ZFHX3: variants seen among roughly 807,000 people sequenced by gnomAD.
ZFHX3 encodes zinc finger homeobox 3.
ZFHX3 carries 42 observed loss-of-function variants against 279.1 expected under a neutral mutation model. That is an observed-to-expected ratio of 0.15 (90% confidence interval 0.12 to 0.19). ZFHX3 has a LOEUF of 0.19. ZFHX3 is among the 10% of genes least tolerant of loss of function. ZFHX3 has a pLI of 1.00. For missense variants in ZFHX3, 4,981 were observed against 4,754.0 expected, an observed-to-expected ratio of 1.05 and a Z score of -1.40; for synonymous variants, 2,293 against 1,957.8, an observed-to-expected ratio of 1.17 and a Z score of -4.52.
chr16:73,863,664 C>T lies in ZFHX3; in HGVS notation c.-1608+27987G>A, dbSNP rs73603563. Among the ~76,000 whole-genome samples the T allele has an allele frequency of 5.3e-3, 810 of 152,252 alleles. 9 individuals carry two copies. Among genetic ancestry groups the T allele is most frequent in the African/African-American group, 0.019 (787 of 41,540 alleles). On this transcript the variant is annotated intron_variant, in intron 1 of 17. Coordinates refer to the ZFHX3 transcript ENST00000641206. ...AACATAGATCAGTTTCTATATCATACGATGGTCATGTGTGCATATACCTTA... is the reference window on the plus strand; with the variant it reads ...AACATAGATCAGTTTCTATATCATATGATGGTCATGTGTGCATATACCTTA...
chr16:72,794,447 T>C lies in ZFHX3; in HGVS notation c.8235A>G (p.Leu2745=), dbSNP rs2035827403. ...WHEAKRAGYN[L]TLSAMLLDCD... is the part of the protein sequence containing the mutation. ...AGTCTAAGAGCATCGCAGACAGAGT[T>C]AGGTTGTAGCCAGCTCTCTTGGCTT... Residue 2745 remains leucine (L), a synonymous_variant, in exon 9 of 10, where the codon CTA becomes CTG. Coordinates refer to ENST00000268489, the MANE Select transcript of ZFHX3 (RefSeq NM_006885.4). This position sits in a 1 kb window ranked among gnomAD's most constrained non-coding sequence, Gnocchi z 4.2. 13 of 1,613,908 alleles carry C rather than the reference T, an allele frequency of 8.1e-6. No homozygotes were observed. Among genetic ancestry groups the C allele is most frequent in the Non-Finnish European group, 1.1e-5 (13 of 1,179,992 alleles).
At chr16:73,872,236 G>A (rs2029863799) in intron 1 of ZFHX3, among the ~76,000 whole-genome samples, 1 of 151,632 alleles carries the variant, frequency 6.6e-6, no homozygotes, top group African/African-American at 2.4e-5. Context: ...TAAAAGAGAG[G>A]ACATCCCTGT....
intron 2 of ZFHX3, among the ~76,000 whole-genome samples, chr16:73,565,556 G>T (rs900439668): frequency 1.3e-5 from 2 of 152,148 alleles, no homozygotes; most frequent in Non-Finnish European, 2.9e-5. Flanking sequence ...GTTTACAAAT[G>T]TTTTCACACA....
intron 1 of ZFHX3, among the ~76,000 whole-genome samples, chr16:73,855,303 A>C (rs952211939): frequency 1.3e-5 from 2 of 151,546 alleles, no homozygotes; most frequent in African/African-American, 4.9e-5. Context: ...GAAGCTGACA[A>C]AATGTAATTT....
At chr16:73,638,981 A>G (rs1169542009) in intron 2 of ZFHX3, among the ~76,000 whole-genome samples, 1 of 152,216 alleles carries the variant, frequency 6.6e-6, no homozygotes, top group African/African-American at 2.4e-5. Context: ...CAAAAGAAAA[A>G]CAAAGGAAGA....
chr16:73,087,419 A>G (rs991186925), intron 8 of ZFHX3, among the ~76,000 whole-genome samples: 2 of 152,350 alleles, frequency 1.3e-5, no homozygotes, highest in South Asian at 2.1e-4. Context: ...CAGAGGCACA[A>G]GGGAACCTCA....
intron 3 of ZFHX3, among the ~76,000 whole-genome samples, chr16:73,454,986 C>A (rs915386470): frequency 2.0e-5 from 3 of 151,978 alleles, no homozygotes; most frequent in East Asian, 3.9e-4. Flanking sequence ...AGAATGAAGA[C>A]CTTTTATGCC....
At chr16:73,737,929 G>A (rs940396259) in intron 1 of ZFHX3, among the ~76,000 whole-genome samples, 2 of 152,162 alleles carry the variant, frequency 1.3e-5, no homozygotes, top group African/African-American at 4.8e-5. Context: ...AACCCAGGGG[G>A]TGTAGAGGTA....
intron 1 of ZFHX3, among the ~76,000 whole-genome samples, chr16:73,858,241 T>C (rs748900572): frequency 1.3e-5 from 2 of 152,134 alleles, no homozygotes; most frequent in Non-Finnish European, 2.9e-5. Context: ...ACAAATCTAG[T>C]AAACAGTGAT....
intron 2 of ZFHX3, among the ~76,000 whole-genome samples, chr16:73,661,383 A>G (rs558240777): frequency 2.5e-4 from 38 of 152,234 alleles, no homozygotes; most frequent in Non-Finnish European, 4.4e-4. Flanking sequence ...AAAGGAGTTC[A>G]ACAGTTGGAT....
intron 5 of ZFHX3, among the ~76,000 whole-genome samples, chr16:73,249,449 A>C (rs1015215943): frequency 6.6e-6 from 1 of 152,218 alleles, no homozygotes; most frequent in African/African-American, 2.4e-5. Flanking sequence ...GGTAAAAGGC[A>C]TGTCTTACAT....
chr16:73,596,697 T>C (rs967801310), intron 2 of ZFHX3, among the ~76,000 whole-genome samples: 1 of 152,204 alleles, frequency 6.6e-6, no homozygotes, highest in Non-Finnish European at 1.5e-5. Context: ...GCATCCATCA[T>C]AGCACGTTCA....
In ZFHX3 at chr16:73,385,424, C is replaced by T. The variant is rs148186231; in HGVS notation, c.-1290-67088G>A. Among the ~76,000 whole-genome samples, 122 of 152,296 alleles carry T rather than the reference C, an allele frequency of 8.0e-4. 1 individual carries two copies. The East Asian group carries it at 0.023, about 28-fold the overall frequency. The stretch of plus-strand genomic sequence containing the variant: ...ACGGCTGCCTGTCTTGGAGCTGAGG[C>T]ACTTGCTGCCTTGACCATCACCAAG... On this transcript the variant is annotated intron_variant, in intron 3 of 17. Transcript: ENST00000641206.
At chr16:73,823,809 G>A (rs755919742) in intron 1 of ZFHX3, among the ~76,000 whole-genome samples, 2 of 152,204 alleles carry the variant, frequency 1.3e-5, no homozygotes, top group African/African-American at 2.4e-5. Context: ...AAGTATGCCA[G>A]CGCCTCCTGC....
chr16:73,864,386 G>A (rs779786242), intron 1 of ZFHX3, among the ~76,000 whole-genome samples: 1 of 152,192 alleles, frequency 6.6e-6, no homozygotes, highest in Admixed American at 6.5e-5. Flanking sequence ...AAACACAGAG[G>A]TTAGAGTGGA....
intron 1 of ZFHX3, among the ~76,000 whole-genome samples, chr16:73,872,218 T>C (rs1215733044): frequency 4.0e-5 from 6 of 151,240 alleles, no homozygotes; most frequent in Admixed American, 2.0e-4. Flanking sequence ...CTCCAATCAC[T>C]CCCCATATAA....
At chr16:73,304,632 A>G (rs1382333336) in intron 4 of ZFHX3, among the ~76,000 whole-genome samples, 1 of 152,064 alleles carries the variant, frequency 6.6e-6, no homozygotes, top group Non-Finnish European at 1.5e-5. Flanking sequence ...CCCTTCCTCC[A>G]GCCCTCTTAT....
intron 8 of ZFHX3, among the ~76,000 whole-genome samples, chr16:73,088,308 G>T (rs896532226): frequency 2.0e-5 from 3 of 151,756 alleles, no homozygotes; most frequent in Admixed American, 2.0e-4. Flanking sequence ...ACCATGCCCA[G>T]CTAATTTTTG....
chr16:72,960,560 T>G (rs376166492), intron 1 of ZFHX3, among the ~76,000 whole-genome samples: 5 of 152,202 alleles, frequency 3.3e-5, no homozygotes, highest in East Asian at 3.9e-4. Context: ...TCTCCAGCCC[T>G]CTACGAGGTC....
Sources: gnomAD v4.1 joint callset for allele counts (sites outside exome capture counted in the v4.1 genomes callset) on GRCh38, gnomAD v4.1.1 for gene constraint, Gnocchi (gnomAD v3.1) non-coding constraint, MANE v1.5 for transcripts, NCBI Gene and HGNC (gene_info 2026-07-23, HGNC 2026-07-21) for gene names.